CAMKMT: variants seen among roughly 807,000 people sequenced by gnomAD.
The protein encoded by CAMKMT is CaM KMT.
Under a neutral mutation model 48.0 loss-of-function variants are expected in CAMKMT, and 53 were observed. The ratio of observed to expected loss-of-function variants is 1.10; its 90% CI spans 0.89 to 1.39. The LOEUF (loss-of-function observed/expected upper bound fraction) is 1.39. Ranked by LOEUF, CAMKMT falls within the 40% of genes most tolerant of loss-of-function variation. The pLI is 0.00. For missense variants in CAMKMT, 428 were observed against 402.7 expected, an observed-to-expected ratio of 1.06 and a Z score of -0.54; for synonymous variants, 165 against 152.3, an observed-to-expected ratio of 1.08 and a Z score of -0.61.
chr2:44,596,410 C>T (rs1009954690), intron 3 of CAMKMT, among the ~76,000 whole-genome samples: 34 of 151,820 alleles, frequency 2.2e-4, no homozygotes, highest in African/African-American at 7.5e-4. Flanking sequence ...ACATGTGCCA[C>T]TGCACTCCAG....
chr2:44,436,393 T>G (rs1437502179), intron 3 of CAMKMT, among the ~76,000 whole-genome samples: 1 of 151,968 alleles, frequency 6.6e-6, no homozygotes, highest in Non-Finnish European at 1.5e-5. Context: ...AATTCTCACT[T>G]CAGAGCCTCT....
At chr2:44,494,834 C>T (rs1416996417) in intron 3 of CAMKMT, among the ~76,000 whole-genome samples, 3 of 152,124 alleles carry the variant, frequency 2.0e-5, no homozygotes, top group Non-Finnish European at 4.4e-5. Flanking sequence ...ACCTCCTGCC[C>T]TTGTTGGGTT....
At chr2:44,734,786 A>C (rs1679271400) in intron 7 of CAMKMT, among the ~76,000 whole-genome samples, 1 of 152,236 alleles carries the variant, frequency 6.6e-6, no homozygotes, top group African/African-American at 2.4e-5. Flanking sequence ...GAATAGGTAT[A>C]TATTGGTAAA....
Position 44,372,856 on chromosome 2 carries a change from C to G in CAMKMT, c.279C>G (p.Ser93Arg), listed in dbSNP as rs770150321. 1.2e-6 allele frequency: 2 copies of G among 1,613,878 alleles called. No individual in the cohort carries two copies. The highest frequency in any genetic ancestry group is 8.5e-7 in the Non-Finnish European group (1 of 1,179,870). The stretch of plus-strand genomic sequence containing the variant: ...TTGGTGCATGGGTCCAATATACAAG[C>G]ATCTTCTGTCCTGAATACAGTATCT... ...EEVGAWVQYTSIFCPEYSISL... is the reference protein window; with the variant it reads ...EEVGAWVQYTRIFCPEYSISL... The change falls in exon 2 of 11, where the codon AGC becomes AGG. Residue 93 changes from serine to arginine, a missense_variant. Coordinates refer to ENST00000378494, the MANE Select transcript of CAMKMT (RefSeq NM_024766.5).
chr2:44,507,503 G>A (rs964333186), intron 3 of CAMKMT, among the ~76,000 whole-genome samples: 7 of 152,020 alleles, frequency 4.6e-5, no homozygotes, highest in African/African-American at 1.7e-4. Context: ...CATGTAGTAT[G>A]CCTTTTTTGT....
At chr2:44,695,115 C>T (rs181473723) in intron 3 of CAMKMT, among the ~76,000 whole-genome samples, 2 of 152,212 alleles carry the variant, frequency 1.3e-5, no homozygotes, top group Admixed American at 6.5e-5. Context: ...CATTGAGTGA[C>T]GTCAATAATG....
intron 3 of CAMKMT, among the ~76,000 whole-genome samples, chr2:44,476,895 A>G (rs1277968397): frequency 6.6e-6 from 1 of 152,180 alleles, no homozygotes; most frequent in Non-Finnish European, 1.5e-5. Context: ...AGCACCTAGT[A>G]CATGACACAT....
At chr2:44,575,922 C>T (rs532499782) in intron 3 of CAMKMT, among the ~76,000 whole-genome samples, 3 of 152,168 alleles carry the variant, frequency 2.0e-5, no homozygotes, top group Admixed American at 1.3e-4. Flanking sequence ...AGCCACTAGG[C>T]AGTCCCCTTC....
At chr2:44,647,047 C>T (rs1163411752) in intron 3 of CAMKMT, among the ~76,000 whole-genome samples, 1 of 152,148 alleles carries the variant, frequency 6.6e-6, no homozygotes, top group African/African-American at 2.4e-5. Flanking sequence ...GCCTGTAATT[C>T]CAGCACTTTG....
chr2:44,400,404 T>C (rs1029125443), intron 3 of CAMKMT, among the ~76,000 whole-genome samples: 1 of 152,130 alleles, frequency 6.6e-6, no homozygotes, highest in African/African-American at 2.4e-5. Context: ...GTAATTATTA[T>C]ATGGAATGAG....
intron 3 of CAMKMT, among the ~76,000 whole-genome samples, chr2:44,524,742 G>A (rs1671310089): frequency 6.6e-6 from 1 of 152,128 alleles, no homozygotes; most frequent in Non-Finnish European, 1.5e-5. Flanking sequence ...TTACCTGTAT[G>A]TCACAATAAC....
At position 44,475,155 on chromosome 2, in the gene CAMKMT, A is replaced by C. The variant is rs917752206; in HGVS notation, c.376+84850A>C. Among the ~76,000 whole-genome samples the C allele has an allele frequency of 7.9e-5, 12 of 152,186 alleles. No individual in the cohort carries two copies. In the East Asian group the frequency reaches 1.3e-3, roughly 17 times the overall value. On this transcript the variant is annotated intron_variant, in intron 3 of 10. Coordinates refer to ENST00000378494, the MANE Select transcript of CAMKMT (RefSeq NM_024766.5). ...TTTGTATCCTCTTGAGTATTTAATA[A>C]ATTTTATTAATATCTGATTTAAATT... is the stretch of plus-strand genomic sequence containing the variant.
At chr2:44,608,706 A>G (rs145263467) in intron 3 of CAMKMT, among the ~76,000 whole-genome samples, 43 of 152,188 alleles carry the variant, frequency 2.8e-4, no homozygotes, top group African/African-American at 8.9e-4. Flanking sequence ...ATCAGAATCC[A>G]CTGTATTTGG....
At chr2:44,368,279 A>G (rs551069369) in intron 1 of CAMKMT, among the ~76,000 whole-genome samples, 1 of 152,320 alleles carries the variant, frequency 6.6e-6, no homozygotes, top group South Asian at 2.1e-4. Flanking sequence ...AAAGTGGTAG[A>G]TGATAAGGTT....
At chr2:44,727,522 C>G (rs1253685801) in intron 7 of CAMKMT, among the ~76,000 whole-genome samples, 1 of 152,168 alleles carries the variant, frequency 6.6e-6, no homozygotes, top group African/African-American at 2.4e-5. Context: ...TTGGCAGAGT[C>G]TTTAGGATTT....
chr2:44,622,241 T>A (rs1672238676), intron 3 of CAMKMT, among the ~76,000 whole-genome samples: 1 of 152,220 alleles, frequency 6.6e-6, no homozygotes, highest in Admixed American at 6.5e-5. Context: ...TTCCACTTAT[T>A]TATGTCTGGT....
At chr2:44,586,682 T>G (rs975689314) in intron 3 of CAMKMT, among the ~76,000 whole-genome samples, 18 of 152,250 alleles carry the variant, frequency 1.2e-4, no homozygotes, top group African/African-American at 4.3e-4. Context: ...TGTGTGCAGT[T>G]ATATGCAGTA....
intron 7 of CAMKMT, among the ~76,000 whole-genome samples, chr2:44,737,838 C>G (rs1224240023): frequency 6.6e-6 from 1 of 151,442 alleles, no homozygotes; most frequent in Non-Finnish European, 1.5e-5. Flanking sequence ...CTTAGACTCT[C>G]AGTTCCATCT....
At chr2:44,727,984 G>A (rs1678880688) in intron 7 of CAMKMT, among the ~76,000 whole-genome samples, 1 of 152,190 alleles carries the variant, frequency 6.6e-6, no homozygotes, top group Non-Finnish European at 1.5e-5. Flanking sequence ...GTGCAGTGGT[G>A]TGACCATGGC....
Sources: gnomAD v4.1 joint callset for allele counts (sites outside exome capture counted in the v4.1 genomes callset) on GRCh38, gnomAD v4.1.1 for gene constraint, MANE v1.5 for transcripts, NCBI Gene and HGNC (gene_info 2026-07-23, HGNC 2026-07-21) for gene names.